SLIT3: variants seen among roughly 807,000 people sequenced by gnomAD.
The protein encoded by SLIT3 is slit homolog 3 protein.
Under a neutral mutation model 184.0 loss-of-function variants are expected in SLIT3, and 68 were observed. The ratio of observed to expected loss-of-function variants is 0.37; its 90% CI spans 0.30 to 0.45. The LOEUF is 0.45. Among genes scored for constraint, SLIT3 ranks in the 20% least tolerant of loss-of-function variants. The pLI is 1.00. For missense variants in SLIT3, 1,707 were observed against 2,026.0 expected (o/e 0.84, Z 3.02); for synonymous variants, 831 against 828.6 (o/e 1.00, Z -0.05).
chr5:168,999,378 G>A (rs956722473), intron 4 of SLIT3, among the ~76,000 whole-genome samples: 1 of 152,130 alleles, frequency 6.6e-6, no homozygotes, highest in Non-Finnish European at 1.5e-5. Context: ...TTTCTGATTG[G>A]ATAAACAGTA....
chr5:168,975,482 T>C (rs1754721197), intron 4 of SLIT3, among the ~76,000 whole-genome samples: 1 of 151,066 alleles, frequency 6.6e-6, no homozygotes, highest in South Asian at 2.1e-4. Context: ...GACATCCACA[T>C]AGACACCCCT....
chr5:168,820,161 A>G (rs1757476848), intron 7 of SLIT3, among the ~76,000 whole-genome samples: 1 of 152,174 alleles, frequency 6.6e-6, no homozygotes, highest in Non-Finnish European at 1.5e-5. Context: ...GTGAGAAGGG[A>G]CATTATTTTA....
At chr5:168,959,945 G>A (rs1762950228) in intron 4 of SLIT3, among the ~76,000 whole-genome samples, 1 of 152,178 alleles carries the variant, frequency 6.6e-6, no homozygotes, top group Non-Finnish European at 1.5e-5. Flanking sequence ...TAGCGCTAAG[G>A]GAACGAAGGC....
rs146635516 is a variant in SLIT3, at chr5:169,271,770, C to T, written c.198-20311G>A. ...CACTTGCCACTCCCATTCCATGAGT[C>T]CAAGTCTCCTTTAGCCTCTCAGAGG... On this transcript the variant is annotated intron_variant, in intron 1 of 35. Transcript: ENST00000519560. Among the ~76,000 whole-genome samples the T allele has an allele frequency of 3.7e-3, 559 of 152,334 alleles. 2 individuals are homozygous for T. The highest frequency in any genetic ancestry group is 0.013 in the African/African-American group (539 of 41,566).
At chr5:169,147,288 A>G (rs1261058916) in intron 4 of SLIT3, among the ~76,000 whole-genome samples, 1 of 152,230 alleles carries the variant, frequency 6.6e-6, no homozygotes, top group African/African-American at 2.4e-5. Flanking sequence ...AAATTTTTGG[A>G]GATGGAGTCT....
intron 3 of SLIT3, among the ~76,000 whole-genome samples, chr5:169,215,072 C>T (rs1764390964): frequency 6.6e-6 from 1 of 152,168 alleles, no homozygotes; most frequent in Non-Finnish European, 1.5e-5. Context: ...ATAATACAAA[C>T]TTAATTATGT....
chr5:169,220,779 C>T (rs1764592350), intron 3 of SLIT3, among the ~76,000 whole-genome samples: 1 of 152,172 alleles, frequency 6.6e-6, no homozygotes, highest in Admixed American at 6.5e-5. Flanking sequence ...ATGGTCATCT[C>T]ACATGCCTGC....
chr5:168,949,487 G>C (rs1274791922), intron 4 of SLIT3, among the ~76,000 whole-genome samples: 1 of 152,160 alleles, frequency 6.6e-6, no homozygotes, highest in Non-Finnish European at 1.5e-5. Flanking sequence ...TCCTTACAGA[G>C]ATCTTTCAAA....
intron 11 of SLIT3, among the ~76,000 whole-genome samples, chr5:168,788,975 A>T (rs146059759): frequency 6.6e-6 from 1 of 152,264 alleles, no homozygotes; most frequent in Non-Finnish European, 1.5e-5. Context: ...GAATGAGGAC[A>T]TTCTATACCT....
chr5:169,008,022 G>T (rs1203753439), intron 4 of SLIT3, among the ~76,000 whole-genome samples: 3 of 152,128 alleles, frequency 2.0e-5, no homozygotes, highest in African/African-American at 7.2e-5. Flanking sequence ...CTTTCTTTTG[G>T]TATTACCAGG....
chr5:168,826,263 A>G (rs1319536650), intron 6 of SLIT3, among the ~76,000 whole-genome samples: 2 of 152,242 alleles, frequency 1.3e-5, no homozygotes, highest in Non-Finnish European at 2.9e-5. Flanking sequence ...TAAACACAGT[A>G]TTCAGACTTT....
At chr5:168,765,549 C>T (rs1755312007) in intron 14 of SLIT3, among the ~76,000 whole-genome samples, 1 of 152,152 alleles carries the variant, frequency 6.6e-6, no homozygotes, top group Non-Finnish European at 1.5e-5. Flanking sequence ...ATTTCATTAC[C>T]GAAACTACTC....
chr5:169,037,832 G>C (rs1038013354), intron 4 of SLIT3: 7 of 152,268 alleles, frequency 4.6e-5, no homozygotes, highest in African/African-American at 1.4e-4. Flanking sequence ...CCGGACATCT[G>C]TGGCAAGTGT....
At chr5:169,171,301 A>C (rs1762810350) in intron 4 of SLIT3, among the ~76,000 whole-genome samples, 1 of 152,208 alleles carries the variant, frequency 6.6e-6, no homozygotes, top group African/African-American at 2.4e-5. Context: ...ACTCTTAAGA[A>C]CCATATGGCA....
intron 5 of SLIT3, among the ~76,000 whole-genome samples, chr5:168,869,079 G>A (rs558191811): frequency 4.1e-4 from 62 of 152,344 alleles, no homozygotes; most frequent in Non-Finnish European, 7.6e-4. Flanking sequence ...TGGTTGCCGG[G>A]CAGGACTGGG....
chr5:169,103,701 G>C (rs983916210), intron 4 of SLIT3, among the ~76,000 whole-genome samples: 6 of 152,216 alleles, frequency 3.9e-5, no homozygotes, highest in Admixed American at 3.9e-4. Context: ...TGCAACACAG[G>C]AACTTTCTGA....
intron 12 of SLIT3, 67 bp downstream of exon 12, chr5:168,785,840 C>T (rs1461099199): frequency 4.3e-6 from 5 of 1,174,328 alleles, no homozygotes; most frequent in Non-Finnish European, 5.1e-6. Context: ...GAGCATGGCT[C>T]AACGTTTTCA....
chr5:168,701,719 G>A (rs754547091), intron 26 of SLIT3, among the ~76,000 whole-genome samples: 1 of 152,244 alleles, frequency 6.6e-6, no homozygotes, highest in Non-Finnish European at 1.5e-5. Context: ...GGACCTGGTA[G>A]CGTGGGGCCT....
Position 168,748,308 on chromosome 5 carries a change from G to A in SLIT3, c.2264C>T (p.Thr755Ile). 1 of 1,472,670 alleles carries A rather than the reference G, an allele frequency of 6.8e-7. No individual in the cohort carries two copies. Among genetic ancestry groups the A allele is most frequent in the South Asian group, 1.4e-5 (1 of 69,770 alleles). The allele number at this position is 1,472,670 out of a possible 1,614,324, so 91.2% of individuals were successfully genotyped here. A position where few individuals can be genotyped will look rare whatever the true frequency, so the allele number is the denominator to read the frequency against. ...GGCAGCTGGGGGTACTTACAGCTCG[G>A]TCACATCCTTGGGCATGCCTCTGGG... Reference protein sequence around the residue: ...ALPRGMPKDVTELYLEGNHLT... With the variant: ...ALPRGMPKDVIELYLEGNHLT... Residue 755 changes from threonine (T) to isoleucine (I), a missense_variant, in exon 20 of 36, where the codon ACC becomes ATC. This residue lies in a region of SLIT3 where 1,307 missense variants were observed against 1,511.6 expected (regional missense o/e 0.86). Transcript: ENST00000519560.
Sources: allele counts gnomAD v4.1 joint callset (sites outside exome capture counted in the v4.1 genomes callset), GRCh38; gene constraint gnomAD v4.1.1; regional missense constraint gnomAD v4.1.1; transcripts MANE v1.5; gene names NCBI Gene and HGNC (gene_info 2026-07-23, HGNC 2026-07-21).